The following LRRFIP2 variants were observed in gnomAD, a reference collection of about 807,000 sequenced individuals.
The protein encoded by LRRFIP2 is LRR binding FLII interacting protein 2.
LRRFIP2 carries 109 observed loss-of-function variants against 125.9 expected under a neutral mutation model. The ratio of observed to expected loss-of-function variants is 0.87; its 90% CI spans 0.74 to 1.01. The LOEUF is 1.01. Ranked by LOEUF, LRRFIP2 falls within the 50% of genes least tolerant of loss-of-function variation. LRRFIP2 has a pLI of 0.00. For synonymous variants in LRRFIP2, 291 were observed against 293.1 expected (o/e 0.99, Z 0.07); for missense variants, 850 against 862.3 (o/e 0.99, Z 0.18).
chr3:37,100,517 C>G (rs555632993), intron 15 of LRRFIP2, among the ~76,000 whole-genome samples: 1 of 150,066 alleles, frequency 6.7e-6, no homozygotes, highest in Non-Finnish European at 1.5e-5. Context: ...CAGGGGTTAG[C>G]CAGATTTGTA....
intron 21 of LRRFIP2, chr3:37,067,860 T>C (rs2090440119): frequency 6.6e-6 from 1 of 152,328 alleles, no homozygotes; most frequent in East Asian, 1.9e-4. Context: ...AATCTGGTTG[T>C]TTTTGTTTCC....
intron 6 of LRRFIP2, among the ~76,000 whole-genome samples, chr3:37,118,821 C>T (rs2094903282): frequency 6.6e-6 from 1 of 152,166 alleles, no homozygotes; most frequent in Non-Finnish European, 1.5e-5. Context: ...TAGTACACGG[C>T]CTTAAGTTTT....
At chr3:37,167,110 T>A (rs1197817227) in intron 1 of LRRFIP2, among the ~76,000 whole-genome samples, 3 of 146,660 alleles carry the variant, frequency 2.0e-5, no homozygotes, top group Non-Finnish European at 1.5e-5. Context: ...GGTGGGAGGA[T>A]CATTTTAGCC....
rs757955296 is a variant in LRRFIP2 at position 37,065,953 on chromosome 3, G to A, written c.1567-11C>T. 6 of 1,613,886 alleles carry A rather than the reference G, an allele frequency of 3.7e-6. No homozygotes were observed. In the Admixed American group the frequency reaches 6.7e-5, roughly 18 times the overall value. ...AACTAAGCCATGTTTCTGCAGGGGG[G>A]AAAAACCCACCATCACAAAAGGCCC... On this transcript the variant is annotated splice_polypyrimidine_tract_variant and intron_variant, in intron 22 of 27. Coordinates refer to ENST00000336686, the MANE Select transcript of LRRFIP2 (RefSeq NM_006309.4).
At chr3:37,111,351 T>C (rs913631089) in intron 8 of LRRFIP2, among the ~76,000 whole-genome samples, 3 of 152,202 alleles carry the variant, frequency 2.0e-5, no homozygotes, top group African/African-American at 7.2e-5. Context: ...AGAAAGTCCT[T>C]GAACACTCCT....
At chr3:37,147,032 C>A (rs2095873158) in intron 2 of LRRFIP2, among the ~76,000 whole-genome samples, 2 of 151,814 alleles carry the variant, frequency 1.3e-5, no homozygotes, top group African/African-American at 2.4e-5. Context: ...AAAAAAAACT[C>A]CATTAAAAAG....
chr3:37,077,261 A>G (rs1366371972), intron 19 of LRRFIP2, among the ~76,000 whole-genome samples: 1 of 152,206 alleles, frequency 6.6e-6, no homozygotes, highest in African/African-American at 2.4e-5. Context: ...TTAACAGCAA[A>G]ACATGACAAA....
At chr3:37,103,087 A>G in intron 14 of LRRFIP2, 74 bp from the exon 15 acceptor site, 1 of 1,173,432 alleles carries the variant, frequency 8.5e-7, no homozygotes, top group Non-Finnish European at 1.2e-6. Flanking sequence ...ACATTGGCCA[A>G]TTAGGGAAAA....
intron 9 of LRRFIP2, among the ~76,000 whole-genome samples, chr3:37,109,915 C>G (rs933418023): frequency 2.0e-5 from 3 of 152,058 alleles, no homozygotes; most frequent in African/African-American, 7.2e-5. Context: ...GGATAAGAAA[C>G]AGCTGGAACA....
At chr3:37,091,910 C>T (rs768448786) in intron 17 of LRRFIP2, among the ~76,000 whole-genome samples, 5 of 152,024 alleles carry the variant, frequency 3.3e-5, no homozygotes, top group Admixed American at 6.6e-5. Flanking sequence ...TAGCACAATG[C>T]TTCACCTAGA....
rs2088147129 is a variant in LRRFIP2, at chr3:37,060,151, CT to C, written c.1750-1242del. Among the ~76,000 whole-genome samples the C allele has an allele frequency of 6.6e-6, 1 of 152,152 alleles. No individual in the cohort carries two copies. Among genetic ancestry groups the C allele is most frequent in the Non-Finnish European group, 1.5e-5 (1 of 68,014 alleles). ...TCCTAACCTTTCCCAATGCCTGAAA[CT>C]TTTCCACTGGGCCCTCTAGAATTAT... On this transcript the variant is annotated intron_variant, in intron 24 of 27. Coordinates refer to ENST00000336686, the MANE Select transcript of LRRFIP2 (RefSeq NM_006309.4). The surrounding 1 kb of genome is among the most constrained non-coding windows in gnomAD (Gnocchi z 4.1).
chr3:37,072,742 T>A, intron 21 of LRRFIP2, 48 bp downstream of exon 21: 1 of 1,096,562 alleles, frequency 9.1e-7, no homozygotes, highest in Non-Finnish European at 1.4e-6. Context: ...AATTCTACTG[T>A]AGTCCTCATC....
intron 15 of LRRFIP2, among the ~76,000 whole-genome samples, chr3:37,098,840 CTGAG>C (rs1228969707): frequency 1.3e-4 from 20 of 152,122 alleles, no homozygotes; most frequent in Non-Finnish European, 1.8e-4. Flanking sequence ...CCTTATCTTC[CTGAG>C]TATTTTCCAA....
At chr3:37,146,997 A>G (rs2095871617) in intron 2 of LRRFIP2, among the ~76,000 whole-genome samples, 1 of 152,166 alleles carries the variant, frequency 6.6e-6, no homozygotes, top group South Asian at 2.1e-4. Context: ...AGAATCTACA[A>G]GGAACTTAAA....
At position 37,109,588 on chromosome 3, in the gene LRRFIP2, T is replaced by C; in HGVS notation, c.565-17A>G. On this transcript the variant is annotated splice_polypyrimidine_tract_variant and intron_variant, in intron 10 of 27. Transcript: ENST00000336686. ...AGGAGAGGCCTAAGAAAAAAGTGTA[T>C]TATTAAACCCCAAAAAAAGCAACTG... The C allele has an allele frequency of 6.2e-7, 1 of 1,613,976 alleles. No homozygotes were observed. Among genetic ancestry groups the C allele is most frequent in the Non-Finnish European group, 8.5e-7 (1 of 1,179,942 alleles).
chr3:37,143,527 G>T, intron 2 of LRRFIP2: 1 of 249,398 alleles, frequency 4.0e-6, no homozygotes, highest in South Asian at 6.3e-5. Context: ...TGTAGTCATC[G>T]ACTTTATTCA....
intron 25 of LRRFIP2, 111 bp downstream of exon 25, chr3:37,058,675 CAAAA>C (rs58404365): frequency 0.026 from 23,699 of 896,576 alleles, 14 homozygotes; most frequent in Non-Finnish European, 0.031. Context: ...ACTCCCATCT[CAAAA>C]AAAAAAAAAA....
At chr3:37,159,129 A>C (rs1228965921) in intron 1 of LRRFIP2, among the ~76,000 whole-genome samples, 1 of 152,126 alleles carries the variant, frequency 6.6e-6, no homozygotes, top group Non-Finnish European at 1.5e-5. Context: ...TCTTATATTT[A>C]GGTCCATGAT....
intron 4 of LRRFIP2, among the ~76,000 whole-genome samples, chr3:37,124,318 T>C (rs1037677073): frequency 6.6e-6 from 1 of 152,204 alleles, no homozygotes; most frequent in Admixed American, 6.5e-5. Flanking sequence ...TGTGTTTACG[T>C]AAAACTGTAA....
Sources: allele counts gnomAD v4.1 joint callset (sites outside exome capture counted in the v4.1 genomes callset), GRCh38; gene constraint gnomAD v4.1.1; non-coding constraint Gnocchi (gnomAD v3.1); transcripts MANE v1.5; gene names NCBI Gene and HGNC (gene_info 2026-07-23, HGNC 2026-07-21).